Variants in EPHB1 observed in about 807,000 individuals in gnomAD.
The protein encoded by EPHB1 is ephrin type-B receptor 1.
A neutral mutation model predicts 94.4 loss-of-function variants in EPHB1; 30 were observed. The observed-to-expected ratio is 0.32, with a 90% CI of 0.24 to 0.43. The LOEUF is 0.43. Among genes scored for constraint, EPHB1 ranks in the 20% least tolerant of loss-of-function variants. EPHB1 has a pLI of 1.00. For missense variants in EPHB1, 1,055 were observed against 1,308.3 expected (o/e 0.81, Z 2.99); for synonymous variants, 522 against 489.1 (o/e 1.07, Z -0.89).
At chr3:134,932,029 T>TTGTGTG (rs56801637) in intron 2 of EPHB1, among the ~76,000 whole-genome samples, 1 of 148,854 alleles carries the variant, frequency 6.7e-6, no homozygotes, top group African/African-American at 2.5e-5. Flanking sequence ...GTGTGTGTGT[T>TTGTGTG]TGTGTGTGTG....
intron 15 of EPHB1, among the ~76,000 whole-genome samples, chr3:135,250,081 C>G (rs1048406273): frequency 6.6e-6 from 1 of 152,118 alleles, no homozygotes; most frequent in African/African-American, 2.4e-5. Context: ...TGAGAAGCAC[C>G]AGTTGTGGGA....
chr3:134,971,214 A>G (rs2107726877), intron 3 of EPHB1, among the ~76,000 whole-genome samples: 1 of 152,362 alleles, frequency 6.6e-6, no homozygotes, highest in South Asian at 2.1e-4. Flanking sequence ...ACAAAGATAC[A>G]GAGAGACCAG....
chr3:135,215,864 C>T (rs1235325470), intron 12 of EPHB1, among the ~76,000 whole-genome samples: 1 of 152,114 alleles, frequency 6.6e-6, no homozygotes, highest in Non-Finnish European at 1.5e-5. Context: ...TCCTGGAGGC[C>T]ACTTGAAAAA....
chr3:135,146,245 A>G (rs1396767077), intron 5 of EPHB1, among the ~76,000 whole-genome samples: 2 of 152,228 alleles, frequency 1.3e-5, no homozygotes, highest in African/African-American at 4.8e-5. Context: ...AGATGCCCAC[A>G]GGGAATGGAA....
chr3:135,071,969 C>A (rs1001068423), intron 3 of EPHB1, among the ~76,000 whole-genome samples: 1 of 152,206 alleles, frequency 6.6e-6, no homozygotes, highest in Non-Finnish European at 1.5e-5. Context: ...GCCCTGCCCC[C>A]AGTCCCCCAG....
Position 135,154,230 on chromosome 3 carries a change from A to G in EPHB1, c.1376A>G (p.Gln459Arg), listed in dbSNP as rs751269315. 1 of 1,614,050 alleles carries G rather than the reference A, an allele frequency of 6.2e-7. No homozygotes were observed. Among genetic ancestry groups the G allele is most frequent in the Non-Finnish European group, 8.5e-7 (1 of 1,179,884 alleles). The change falls in exon 6 of 16, where the codon CAG becomes CGG. Residue 459 changes from glutamine to arginine, a missense_variant. Physicochemically the swap from Gln to Arg is conservative, Grantham distance 43 (BLOSUM62 1). Coordinates refer to ENST00000398015, the MANE Select transcript of EPHB1 (RefSeq NM_004441.5). ...SITLSWPQPE[Q>R]PNGIILDYEI... Reference sequence around the variant, plus strand: ...ACCTTGTCATGGCCACAGCCGGAGCAGCCCAATGGCATCATCCTGGACTAT... The same window carrying G: ...ACCTTGTCATGGCCACAGCCGGAGCGGCCCAATGGCATCATCCTGGACTAT...
intron 3 of EPHB1, among the ~76,000 whole-genome samples, chr3:134,998,425 A>G (rs921754513): frequency 6.6e-6 from 1 of 152,214 alleles, no homozygotes; most frequent in Non-Finnish European, 1.5e-5. Context: ...GCAGGGCAGA[A>G]GCTGGACTTT....
At chr3:135,207,391 T>C (rs1942925480) in intron 12 of EPHB1, among the ~76,000 whole-genome samples, 1 of 152,196 alleles carries the variant, frequency 6.6e-6, no homozygotes, top group African/African-American at 2.4e-5. Context: ...AAACAATTTA[T>C]TCAAGTGACA....
chr3:135,159,063 C>T (rs1941438863), intron 6 of EPHB1, among the ~76,000 whole-genome samples: 1 of 152,200 alleles, frequency 6.6e-6, no homozygotes, highest in African/African-American at 2.4e-5. Context: ...GTGGTACAAG[C>T]ATTGCGCTGC....
intron 1 of EPHB1, among the ~76,000 whole-genome samples, chr3:134,874,151 C>G (rs1001680518): frequency 2.0e-5 from 3 of 151,966 alleles, no homozygotes; most frequent in Non-Finnish European, 4.4e-5. Context: ...AATGTAATCT[C>G]AAAATTTGGG....
chr3:135,047,482 C>G lies in EPHB1; in HGVS notation c.806-58966C>G, dbSNP rs192655610. ...GTCTTCTTGTTAATTGGAAAAGCAT[C>G]GAACTGCACAGCCAGCAAAAGCCCA... On this transcript the variant is annotated intron_variant, in intron 3 of 15. Transcript: ENST00000398015. Among the ~76,000 whole-genome samples the G allele has an allele frequency of 2.0e-5, 3 of 152,260 alleles. No individual in the cohort carries two copies. The East Asian group carries it at 5.8e-4, about 29-fold the overall frequency.
Position 135,039,520 on chromosome 3 carries a change from C to T in EPHB1, c.806-66928C>T, listed in dbSNP as rs574526616. Among the ~76,000 whole-genome samples, 373 of 152,296 alleles carry T rather than the reference C, an allele frequency of 2.4e-3. 1 individual carries two copies. The highest frequency in any genetic ancestry group is 3.8e-3 in the Non-Finnish European group (260 of 68,010). On this transcript the variant is annotated intron_variant, in intron 3 of 15. Transcript: ENST00000398015. Reference sequence around the variant, plus strand: ...GAGGCTCGGGCTGCACAGGAGCCCACGGAGTGGGTGGGAGGCTCAGGCATG... The same window carrying T: ...GAGGCTCGGGCTGCACAGGAGCCCATGGAGTGGGTGGGAGGCTCAGGCATG...
chr3:135,173,192 G>T (rs574233358), intron 9 of EPHB1, among the ~76,000 whole-genome samples: 1 of 151,278 alleles, frequency 6.6e-6, no homozygotes, highest in Non-Finnish European at 1.5e-5. Context: ...GCGCCACTAC[G>T]CCCGGCTAAT....
intron 1 of EPHB1, among the ~76,000 whole-genome samples, chr3:134,827,500 A>G (rs2036505799): frequency 6.6e-6 from 1 of 152,176 alleles, no homozygotes; most frequent in South Asian, 2.1e-4. Context: ...CTTCAGCCCC[A>G]CTTCCTCTGG....
chr3:135,208,292 TG>T (rs60495721), intron 12 of EPHB1, among the ~76,000 whole-genome samples: 1,664 of 109,094 alleles, frequency 0.015, 33 homozygotes, highest in African/African-American at 0.049. Flanking sequence ...TTTCATGACG[TG>T]TGTGTGTGTG....
chr3:135,046,235 A>G (rs1936993048), intron 3 of EPHB1, among the ~76,000 whole-genome samples: 1 of 152,264 alleles, frequency 6.6e-6, no homozygotes, highest in Non-Finnish European at 1.5e-5. Flanking sequence ...TGAGACCAAA[A>G]AAGTTTGAGA....
intron 3 of EPHB1, among the ~76,000 whole-genome samples, chr3:134,973,451 G>A (rs754328958): frequency 5.9e-5 from 3 of 50,872 alleles, no homozygotes; most frequent in Non-Finnish European, 1.0e-4. Flanking sequence ...TTTTTTTTGA[G>A]ATAGAGTCTC....
intron 12 of EPHB1, among the ~76,000 whole-genome samples, chr3:135,224,580 A>G (rs963542355): frequency 6.6e-6 from 1 of 152,212 alleles, no homozygotes; most frequent in African/African-American, 2.4e-5. Context: ...CTAATTAGCA[A>G]TCTACAGGAA....
chr3:134,997,932 A>G (rs1221067011), intron 3 of EPHB1, among the ~76,000 whole-genome samples: 1 of 152,132 alleles, frequency 6.6e-6, no homozygotes, highest in Non-Finnish European at 1.5e-5. Flanking sequence ...AGACCCAGTG[A>G]GGTTTTATAG....
Sources: allele counts gnomAD v4.1 joint callset (sites outside exome capture counted in the v4.1 genomes callset), GRCh38; gene constraint gnomAD v4.1.1; transcripts MANE v1.5; gene names NCBI Gene and HGNC (gene_info 2026-07-23, HGNC 2026-07-21).